The following ARAP2 variants were observed in gnomAD, a reference collection of about 807,000 sequenced individuals.
ARAP2 encodes the protein ArfGAP with RhoGAP domain, ankyrin repeat and PH domain 2, also known as arf-GAP with Rho-GAP domain, ANK repeat and PH domain-containing protein 2.
A neutral mutation model predicts 194.5 loss-of-function variants in ARAP2; 148 were observed. That is an observed-to-expected ratio of 0.76 (90% CI 0.67 to 0.87). The LOEUF (loss-of-function observed/expected upper bound fraction) is 0.87, where lower values mean the gene tolerates loss of function less well. Ranked by LOEUF, ARAP2 falls within the 40% of genes least tolerant of loss-of-function variation. The pLI is 0.00. For synonymous variants in ARAP2, 695 were observed against 683.5 expected (o/e 1.02, Z -0.26); for missense variants, 2,128 against 1,989.7 (o/e 1.07, Z -1.32).
At chr4:36,118,247 T>C (rs1375045660) in intron 24 of ARAP2, among the ~76,000 whole-genome samples, 1 of 140,076 alleles carries the variant, frequency 7.1e-6, no homozygotes, top group East Asian at 2.1e-4. Flanking sequence ...TATGTTTGCA[T>C]AAACAGCTCT....
intron 5 of ARAP2, 40 bp from the exon 6 acceptor site, chr4:36,210,783 T>C (rs1746588236): frequency 7.1e-7 from 1 of 1,407,530 alleles, no homozygotes; most frequent in South Asian, 1.4e-5. Flanking sequence ...AAGTGCTATA[T>C]GTGATTTAAG....
At position 36,067,443 on chromosome 4, in the gene ARAP2, C is replaced by G. The variant is rs1465508347; in HGVS notation, c.*464G>C. ...TCTCCCCCCTTTTTCAATTTACTTC[C>G]CTTTCTTTTCCCTAAGGTAGAACTT... On this transcript the variant is annotated 3_prime_UTR_variant, in exon 33 of 33. Transcript: ENST00000303965. 1.3e-5 allele frequency: 2 copies of G among 152,610 alleles called. No homozygotes were observed. Among genetic ancestry groups the G allele is most frequent in the African/African-American group, 2.4e-5 (1 of 41,420 alleles). The allele number at this position is 152,610 out of a possible 1,614,324, so 9.5% of individuals were successfully genotyped here. A position where few individuals can be genotyped will look rare whatever the true frequency, so the allele number is the denominator to read the frequency against.
intron 9 of ARAP2, among the ~76,000 whole-genome samples, chr4:36,177,327 CGT>C (rs1027101555): frequency 3.3e-5 from 5 of 152,074 alleles, no homozygotes; most frequent in Admixed American, 1.3e-4. Flanking sequence ...CTTATATAGA[CGT>C]GTGTGTGTAT....
Position 36,230,930 on chromosome 4 carries a change from A to G in ARAP2, c.-159-1285T>C, listed in dbSNP as rs562948497. Among the ~76,000 whole-genome samples, 11 of 152,312 alleles carry G rather than the reference A, an allele frequency of 7.2e-5. No homozygotes were observed. The South Asian group carries it at 1.5e-3, about 20-fold the overall frequency. ...AAAGAGTATATCTTCTTCAGGACAC[A>G]CTGCAGGAGCAGAGAAATAAAAATA... On this transcript the variant is annotated intron_variant, in intron 1 of 32. Transcript: ENST00000303965.
chr4:36,142,103 C>A (rs1728483793), intron 19 of ARAP2, among the ~76,000 whole-genome samples: 2 of 151,602 alleles, frequency 1.3e-5, no homozygotes, highest in African/African-American at 2.4e-5. Flanking sequence ...CATAGCATCA[C>A]CCATGCCAGA....
intron 20 of ARAP2, among the ~76,000 whole-genome samples, chr4:36,132,437 C>T (rs1254908486): frequency 6.6e-6 from 1 of 151,742 alleles, no homozygotes; most frequent in Non-Finnish European, 1.5e-5. Context: ...CATTTGTGAT[C>T]TAAATAAATG....
At chr4:36,241,756 A>C (rs1256358450) in intron 1 of ARAP2, among the ~76,000 whole-genome samples, 1 of 152,220 alleles carries the variant, frequency 6.6e-6, no homozygotes, top group Non-Finnish European at 1.5e-5. Context: ...ATCCAATTTT[A>C]TGACCCTAAT....
chr4:36,059,067 C>A (rs146747079), intron 1 of ARAP2, among the ~76,000 whole-genome samples: 102 of 152,170 alleles, frequency 6.7e-4, no homozygotes, highest in African/African-American at 2.4e-3. Flanking sequence ...TGCTGAGGAA[C>A]AGTATGCTTA....
At chr4:36,009,520 G>A (rs1713996285) in intron 9 of ARAP2, among the ~76,000 whole-genome samples, 2 of 152,004 alleles carry the variant, frequency 1.3e-5, no homozygotes. Flanking sequence ...TACAAGAGGG[G>A]GGATAAAGGG....
Position 36,229,155 on chromosome 4 carries a change from C to G in ARAP2, c.332G>C (p.Ser111Thr). 1.2e-6 allele frequency: 2 copies of G among 1,614,030 alleles called. No individual in the cohort carries two copies. The highest frequency in any genetic ancestry group is 1.7e-6 in the Non-Finnish European group (2 of 1,179,996). ...CTGCGGTGGGCTAGATGTCTGAACACTACCAGAATTGGAAAGTTCTATGCA... is the reference window on the plus strand; with the variant it reads ...CTGCGGTGGGCTAGATGTCTGAACAGTACCAGAATTGGAAAGTTCTATGCA... ...NICIELSNSG[S>T]VQTSSPPQLE... The change falls in exon 2 of 33, where the codon AGT becomes ACT. Residue 111 changes from serine (S) to threonine (T), a missense_variant. By Grantham distance (58) the Ser-to-Thr change is moderately conservative. Transcript: ENST00000303965.
chr4:36,190,105 ACT>A (rs1490035899), intron 7 of ARAP2, among the ~76,000 whole-genome samples: 5 of 152,214 alleles, frequency 3.3e-5, no homozygotes, highest in Non-Finnish European at 7.3e-5. Flanking sequence ...CTTTGCATAC[ACT>A]GTTTGCTCTG....
chr4:36,008,522 C>A (rs1176815129), intron 9 of ARAP2, among the ~76,000 whole-genome samples: 4 of 151,936 alleles, frequency 2.6e-5, no homozygotes, highest in Non-Finnish European at 4.4e-5. Context: ...TCCTACATAC[C>A]ACCATACACA....
intron 15 of ARAP2, among the ~76,000 whole-genome samples, chr4:36,154,502 A>G: frequency 6.6e-6 from 1 of 152,234 alleles, no homozygotes; most frequent in East Asian, 1.9e-4. Flanking sequence ...TATCAAGGGA[A>G]AAAATATGGT....
chr4:36,147,385 T>C (rs369265456), intron 18 of ARAP2, 26 bp from the exon 19 acceptor site: 7 of 1,610,514 alleles, frequency 4.3e-6, no homozygotes, highest in Non-Finnish European at 5.9e-6. Context: ...AAAGCAAAAA[T>C]TTATTTTTTA....
intron 9 of ARAP2, 69 bp downstream of exon 9, chr4:36,177,758 T>G: frequency 7.0e-7 from 1 of 1,430,076 alleles, no homozygotes; most frequent in Non-Finnish European, 9.3e-7. Context: ...CTAATAATCC[T>G]TCCAAACAAA....
chr4:36,031,207 A>T (rs890075413), intron 5 of ARAP2, among the ~76,000 whole-genome samples: 3 of 152,186 alleles, frequency 2.0e-5, no homozygotes, highest in Non-Finnish European at 4.4e-5. Flanking sequence ...CACCAGAAAT[A>T]ATTTATTCTC....
intron 22 of ARAP2, among the ~76,000 whole-genome samples, chr4:36,124,374 A>G (rs1723375407): frequency 6.6e-6 from 1 of 151,854 alleles, no homozygotes; most frequent in Non-Finnish European, 1.5e-5. Flanking sequence ...TTCAGACCTC[A>G]TTGGTAAAGT....
intron 6 of ARAP2, among the ~76,000 whole-genome samples, chr4:36,196,578 T>C (rs1743158467): frequency 6.6e-6 from 1 of 152,240 alleles, no homozygotes; most frequent in Non-Finnish European, 1.5e-5. Context: ...TAAATCTCTT[T>C]AACATTCTAT....
At chr4:36,129,844 T>C (rs1227241658) in intron 20 of ARAP2, among the ~76,000 whole-genome samples, 5 of 150,760 alleles carry the variant, frequency 3.3e-5, no homozygotes, top group Admixed American at 2.7e-4. Flanking sequence ...ACATGCAACA[T>C]ACACACACAC....
Sources: allele counts gnomAD v4.1 joint callset (sites outside exome capture counted in the v4.1 genomes callset), GRCh38; gene constraint gnomAD v4.1.1; transcripts MANE v1.5; gene names NCBI Gene and HGNC (gene_info 2026-07-23, HGNC 2026-07-21).